Variants in PIP4K2A observed in about 807,000 individuals in gnomAD.
PIP4K2A encodes the protein phosphatidylinositol 5-phosphate 4-kinase type-2 alpha.
PIP4K2A carries 14 observed loss-of-function variants against 42.9 expected under a neutral mutation model. That is an observed-to-expected ratio of 0.33 (90% CI 0.22 to 0.51). PIP4K2A has a LOEUF of 0.51. Among genes scored for constraint, PIP4K2A ranks in the 20% least tolerant of loss-of-function variants. The probability of loss-of-function intolerance (pLI) is 0.97; values close to 1 mark genes in which losing one functional copy is unlikely to be tolerated. For synonymous variants in PIP4K2A, 192 were observed against 192.2 expected, an observed-to-expected ratio of 1.00 and a Z score of 0.01; for missense variants, 434 against 519.8, an observed-to-expected ratio of 0.83 and a Z score of 1.61.
At chr10:22,579,769 C>CTCAACCACAAGACAATCTG (rs1564428909) in intron 4 of PIP4K2A, among the ~76,000 whole-genome samples, 1 of 151,842 alleles carries the variant, frequency 6.6e-6, no homozygotes, top group African/African-American at 2.4e-5. Flanking sequence ...ATCAGACGGG[C>CTCAACCACAAGACAATCTG]ATGGTGGCAG....
At chr10:22,670,966 G>A (rs1839437392) in intron 1 of PIP4K2A, among the ~76,000 whole-genome samples, 1 of 152,158 alleles carries the variant, frequency 6.6e-6, no homozygotes. Context: ...GAGCAGAGAA[G>A]CAGTCATCAT....
At chr10:22,555,044 C>T (rs1343676247) in intron 6 of PIP4K2A, among the ~76,000 whole-genome samples, 2 of 152,254 alleles carry the variant, frequency 1.3e-5, no homozygotes, top group African/African-American at 2.4e-5. Flanking sequence ...AACACAGCCA[C>T]AGGCATCAGC....
chr10:22,686,147 T>G (rs1297058007), intron 1 of PIP4K2A, among the ~76,000 whole-genome samples: 1 of 152,160 alleles, frequency 6.6e-6, no homozygotes, highest in African/African-American at 2.4e-5. Flanking sequence ...CTTGGAAACA[T>G]GCTGAACCGG....
intron 4 of PIP4K2A, among the ~76,000 whole-genome samples, chr10:22,573,782 T>TAC (rs1837045540): frequency 6.6e-6 from 1 of 152,230 alleles, no homozygotes; most frequent in African/African-American, 2.4e-5. Flanking sequence ...TAAGGGATAT[T>TAC]ACACTCCACC....
intron 1 of PIP4K2A, among the ~76,000 whole-genome samples, chr10:22,617,680 G>A (rs1838204345): frequency 6.6e-6 from 1 of 152,188 alleles, no homozygotes; most frequent in Non-Finnish European, 1.5e-5. Flanking sequence ...CACCCCTTGT[G>A]TGGAGCCCCT....
intron 7 of PIP4K2A, among the ~76,000 whole-genome samples, chr10:22,548,864 A>C (rs554731441): frequency 1.3e-5 from 2 of 148,922 alleles, no homozygotes; most frequent in African/African-American, 5.0e-5. Context: ...TGCGCAACAA[A>C]GCAAGACCCT....
rs1157961653 is a variant in PIP4K2A at position 22,646,557 on chromosome 10, C to CA, written c.145-36841dup. 4.1e-3 allele frequency among the ~76,000 whole-genome samples: 627 copies of CA among 151,322 alleles called. 3 individuals are homozygous for CA. The highest frequency in any genetic ancestry group is 0.012 in the African/African-American group (514 of 41,256). On this transcript the variant is annotated intron_variant, in intron 1 of 9. Transcript: ENST00000376573. ...ACAGGAAGCAGACTAGTATGGATGG[C>CA]AAAAAAAACACAAAAATCAAGACCA... is the stretch of plus-strand genomic sequence containing the variant.
At chr10:22,664,063 A>ATATG (rs1491278183) in intron 1 of PIP4K2A, among the ~76,000 whole-genome samples, 1 of 79,202 alleles carries the variant, frequency 1.3e-5, no homozygotes, top group Admixed American at 1.2e-4. Flanking sequence ...GTATATATAC[A>ATATG]TATATATATA....
Position 22,692,102 on chromosome 10 carries a change from T to C in PIP4K2A, c.144+22081A>G, listed in dbSNP as rs138343436. On this transcript the variant is annotated intron_variant, in intron 1 of 9. Transcript: ENST00000376573. ...GAGATAATTATACAACTCAATAATA[T>C]ATAGAATCAGTGGGAGCCCTGAGCT... is the stretch of plus-strand genomic sequence containing the variant. Among the ~76,000 whole-genome samples, 528 of 151,746 alleles carry C rather than the reference T, an allele frequency of 3.5e-3. 3 individuals carry two copies. Among genetic ancestry groups the C allele is most frequent in the Middle Eastern group, 6.8e-3 (2 of 292 alleles).
chr10:22,598,075 G>A (rs937721659), intron 3 of PIP4K2A, among the ~76,000 whole-genome samples: 1 of 152,156 alleles, frequency 6.6e-6, no homozygotes, highest in Non-Finnish European at 1.5e-5. Context: ...TCAAAATTGG[G>A]GGCTGGGCAC....
rs1835889330 is a variant in PIP4K2A at position 22,535,162 on chromosome 10, C to T, written c.*2039G>A. On this transcript the variant is annotated 3_prime_UTR_variant, in exon 10 of 10. Coordinates refer to ENST00000376573, the MANE Select transcript of PIP4K2A (RefSeq NM_005028.5). ...CTTCTAAAAGCATACACAGATTGGC[C>T]CCCAAGGAAACAGTTACTCAAATAA... 1 of 152,140 alleles carries T rather than the reference C, an allele frequency of 6.6e-6. No individual in the cohort carries two copies. The highest frequency in any genetic ancestry group is 2.1e-4 in the South Asian group (1 of 4,814). The allele number at this position is 152,140 out of a possible 1,614,324, so 9.4% of individuals were successfully genotyped here.
At chr10:22,661,072 GA>G (rs1331057017) in intron 1 of PIP4K2A, among the ~76,000 whole-genome samples, 1 of 152,194 alleles carries the variant, frequency 6.6e-6, no homozygotes, top group Non-Finnish European at 1.5e-5. Flanking sequence ...GTTTTGCTGT[GA>G]AACTAAAATG....
At chr10:22,669,421 A>G (rs1050582182) in intron 1 of PIP4K2A, among the ~76,000 whole-genome samples, 1 of 152,160 alleles carries the variant, frequency 6.6e-6, no homozygotes, top group Admixed American at 6.6e-5. Context: ...TTCTCAGAAC[A>G]TATCCCTATC....
chr10:22,540,832 G>A (rs1836087200), intron 8 of PIP4K2A, among the ~76,000 whole-genome samples: 1 of 152,168 alleles, frequency 6.6e-6, no homozygotes, highest in African/African-American at 2.4e-5. Flanking sequence ...TGGGATTACA[G>A]GCATGAACCA....
intron 1 of PIP4K2A, among the ~76,000 whole-genome samples, chr10:22,664,228 T>TACACATATATATATAC (rs1839304334): frequency 5.6e-5 from 5 of 89,886 alleles, no homozygotes; most frequent in Non-Finnish European, 9.7e-5. Context: ...CATATATATA[T>TACACATATATATATAC]ACACACACAC....
chr10:22,646,932 A>G (rs1159812651), intron 1 of PIP4K2A, among the ~76,000 whole-genome samples: 1 of 81,824 alleles, frequency 1.2e-5, no homozygotes, highest in East Asian at 2.1e-4. Context: ...AAAACAAAAC[A>G]AAAAACAAAA....
intron 1 of PIP4K2A, among the ~76,000 whole-genome samples, chr10:22,698,768 A>G (rs1833648380): frequency 6.6e-6 from 1 of 152,226 alleles, no homozygotes; most frequent in Non-Finnish European, 1.5e-5. Flanking sequence ...CATTGGAAAG[A>G]AACATTAAAA....
At chr10:22,714,112 CGGAGGAGGAGGGGAACGAGGAGGAAGA>C in intron 1 of PIP4K2A, 44 bp downstream of exon 1, 3 of 1,444,740 alleles carry the variant, frequency 2.1e-6, no homozygotes, top group Non-Finnish European at 2.8e-6. Context: ...CAGCTGCAGC[CGGAGGAGGAGGGGAACGAGGAGGAAGA>C]GGAGGAGGAG....
intron 8 of PIP4K2A, 132 bp from the exon 9 acceptor site, chr10:22,540,206 C>T: frequency 1.5e-6 from 1 of 658,934 alleles, no homozygotes. Flanking sequence ...GGAAGGAGTC[C>T]AGAGACAAAC....
Sources: allele counts gnomAD v4.1 joint callset (sites outside exome capture counted in the v4.1 genomes callset), GRCh38; gene constraint gnomAD v4.1.1; transcripts MANE v1.5; gene names NCBI Gene and HGNC (gene_info 2026-07-23, HGNC 2026-07-21).